Variants in SUMF1 observed in about 807,000 individuals in gnomAD.
SUMF1 encodes the protein formylglycine-generating enzyme.
Under a neutral mutation model 47.6 loss-of-function variants are expected in SUMF1, and 48 were observed. The ratio of observed to expected loss-of-function variants is 1.01; its 90% CI spans 0.80 to 1.28. The LOEUF (loss-of-function observed/expected upper bound fraction) is 1.28, where lower values mean the gene tolerates loss of function less well. Among genes scored for constraint, SUMF1 ranks in the 50% most tolerant of loss-of-function variants. SUMF1 has a pLI of 0.00. For missense variants in SUMF1, 571 were observed against 485.4 expected (o/e 1.18, Z -1.66); for synonymous variants, 230 against 192.1 (o/e 1.20, Z -1.63).
intron 8 of SUMF1, among the ~76,000 whole-genome samples, chr3:4,150,996 G>C (rs1262015259): frequency 1.3e-5 from 2 of 151,352 alleles, no homozygotes; most frequent in Non-Finnish European, 2.9e-5. Context: ...GGGGACAAAT[G>C]GCCTTCACAC....
At chr3:4,267,431 A>G (rs1332319331) in intron 8 of SUMF1, among the ~76,000 whole-genome samples, 2 of 152,112 alleles carry the variant, frequency 1.3e-5, no homozygotes, top group African/African-American at 4.8e-5. Flanking sequence ...CAGAGATTCA[A>G]CTTCTTCCTG....
chr3:4,269,949 A>C (rs1413619295), intron 8 of SUMF1, among the ~76,000 whole-genome samples: 2 of 152,202 alleles, frequency 1.3e-5, no homozygotes, highest in Non-Finnish European at 2.9e-5. Context: ...AGAGCTGATG[A>C]TGAAGTAATG....
At chr3:4,446,483 T>C (rs926763145) in intron 3 of SUMF1, among the ~76,000 whole-genome samples, 1 of 152,210 alleles carries the variant, frequency 6.6e-6, no homozygotes, top group African/African-American at 2.4e-5. Context: ...ATCTTGGGCA[T>C]GTCTTTATTA....
In SUMF1 at chr3:4,239,474, C is replaced by T. The variant is rs375364208; in HGVS notation, c.1014+136856G>A. ...TTGAGCAGTGGTTTGCAGTTCTCCT[C>T]GAGGAGGTCCTTCACATCCCTTGTA... On this transcript the variant is annotated intron_variant and NMD_transcript_variant, in intron 8 of 12. Coordinates refer to the SUMF1 transcript ENST00000448413. Among the ~76,000 whole-genome samples the T allele has an allele frequency of 7.9e-5, 12 of 152,060 alleles. No homozygotes were observed. In the East Asian group the frequency reaches 2.1e-3, roughly 27 times the overall value.
chr3:4,452,971 T>C lies in SUMF1; in HGVS notation c.349A>G (p.Arg117Gly). 6.2e-7 allele frequency: 1 copy of C among 1,614,198 alleles called. No individual in the cohort carries two copies. The highest frequency in any genetic ancestry group is 8.5e-7 in the Non-Finnish European group (1 of 1,180,046). The stretch of plus-strand genomic sequence containing the variant: ...TAAAAGGCATCAATAGTAACTCTCC[T>C]CGCAGGTGCTTCCCCATCCTGCTTT... ...QIKQDGEAPA[R>G]RVTIDAFYMD... The change falls in exon 2 of 9, where the codon AGG becomes GGG. Residue 117 changes from arginine (R) to glycine (G), a missense_variant. Physicochemically the swap from Arg to Gly is moderately radical, Grantham distance 125. Transcript: ENST00000272902.
At chr3:4,237,246 C>A (rs1019228845) in intron 8 of SUMF1, among the ~76,000 whole-genome samples, 7 of 152,090 alleles carry the variant, frequency 4.6e-5, no homozygotes, top group Non-Finnish European at 8.8e-5. Context: ...GCATTTCTAC[C>A]AGCAGTGAAG....
chr3:4,356,130 TTAA>T (rs1699612657), intron 8 of SUMF1, among the ~76,000 whole-genome samples: 1 of 152,018 alleles, frequency 6.6e-6, no homozygotes, highest in Admixed American at 6.6e-5. Flanking sequence ...GCTCTCGGAG[TTAA>T]TAATTTCCAT....
intron 8 of SUMF1, among the ~76,000 whole-genome samples, chr3:4,288,867 C>T (rs973265625): frequency 6.6e-6 from 1 of 152,030 alleles, no homozygotes; most frequent in Non-Finnish European, 1.5e-5. Flanking sequence ...TAATTTCTGC[C>T]CCCAAAGGAA....
intron 3 of SUMF1, among the ~76,000 whole-genome samples, chr3:4,432,736 A>C (rs1702273523): frequency 6.6e-6 from 1 of 152,172 alleles, no homozygotes. Context: ...GTCAGTTATA[A>C]ATTTACCTGT....
chr3:4,178,262 C>A (rs1233605474), intron 8 of SUMF1, among the ~76,000 whole-genome samples: 2 of 152,134 alleles, frequency 1.3e-5, no homozygotes, highest in African/African-American at 4.8e-5. Context: ...AGGCCAATAT[C>A]CCCGATGAAC....
At chr3:4,174,156 A>G (rs1694901929) in intron 8 of SUMF1, among the ~76,000 whole-genome samples, 1 of 152,122 alleles carries the variant, frequency 6.6e-6, no homozygotes, top group South Asian at 2.1e-4. Flanking sequence ...GGAGATCGAG[A>G]GCATCCTGGC....
At chr3:4,185,178 T>C (rs1306585157) in intron 8 of SUMF1, among the ~76,000 whole-genome samples, 1 of 152,170 alleles carries the variant, frequency 6.6e-6, no homozygotes, top group Non-Finnish European at 1.5e-5. Context: ...GTATGCAGGC[T>C]TCAGAGGCAT....
chr3:4,223,441 T>C (rs955258291), intron 8 of SUMF1, among the ~76,000 whole-genome samples: 1 of 152,152 alleles, frequency 6.6e-6, no homozygotes, highest in Non-Finnish European at 1.5e-5. Flanking sequence ...ATGATGGTGC[T>C]CAGAACAGTG....
chr3:4,321,470 T>TAAAAAAAAAAAAAAAAAAAAAAAAAAAA (rs1206478992), intron 8 of SUMF1, among the ~76,000 whole-genome samples: 2 of 63,734 alleles, frequency 3.1e-5, no homozygotes, highest in African/African-American at 5.6e-5. Flanking sequence ...AAGGAAATGC[T>TAAAAAAAAAAAAAAAAAAAAAAAAAAAA]AAAAAAAAAA....
chr3:4,049,047 T>C (rs1269159115), intron 9 of SUMF1, among the ~76,000 whole-genome samples: 1 of 152,164 alleles, frequency 6.6e-6, no homozygotes, highest in African/African-American at 2.4e-5. Flanking sequence ...TTGAAAGCCA[T>C]GGGGAGCATG....
Position 4,254,012 on chromosome 3 carries a change from A to T in SUMF1, c.1014+122318T>A, listed in dbSNP as rs1224750526. ...CCCCCAGCAAGGGCACACTGACACC[A>T]CACACAGCAGGGTATTCCAACAGAC... On this transcript the variant is annotated intron_variant and NMD_transcript_variant, in intron 8 of 12. Transcript: ENST00000448413. Among the ~76,000 whole-genome samples the T allele has an allele frequency of 7.8e-3, 1,156 of 147,416 alleles. 29 individuals carry two copies. Among genetic ancestry groups the T allele is most frequent in the Middle Eastern group, 0.049 (14 of 288 alleles).
chr3:4,412,261 C>A (rs1701568586), intron 6 of SUMF1, among the ~76,000 whole-genome samples: 1 of 152,072 alleles, frequency 6.6e-6, no homozygotes, highest in African/African-American at 2.4e-5. Flanking sequence ...AAAGAATATA[C>A]CCAAAACTCA....
chr3:4,183,941 C>T (rs1425382456), intron 8 of SUMF1, among the ~76,000 whole-genome samples: 1 of 151,756 alleles, frequency 6.6e-6, no homozygotes. Context: ...CCATCCTGGC[C>T]AACATGGTGA....
intron 8 of SUMF1, among the ~76,000 whole-genome samples, chr3:4,172,668 C>A (rs897248647): frequency 4.0e-5 from 6 of 148,380 alleles, no homozygotes; most frequent in Non-Finnish European, 7.4e-5. Flanking sequence ...CTGCTTATAT[C>A]CTTTGCCCAC....
Sources: gnomAD v4.1 joint callset for allele counts (sites outside exome capture counted in the v4.1 genomes callset) on GRCh38, gnomAD v4.1.1 for gene constraint, MANE v1.5 for transcripts, NCBI Gene and HGNC (gene_info 2026-07-23, HGNC 2026-07-21) for gene names.